PSEN2: variants seen among roughly 807,000 people sequenced by gnomAD.
The protein encoded by PSEN2 is presenilin 2.
In PSEN2, 32 loss-of-function variants were observed where a neutral mutation model predicts 49.1. The ratio of observed to expected loss-of-function variants is 0.65; its 90% CI spans 0.49 to 0.88. The LOEUF is 0.88. Among genes scored for constraint, PSEN2 ranks in the 40% least tolerant of loss-of-function variants. The probability of loss-of-function intolerance (pLI) is 0.00; values close to 1 mark genes in which losing one functional copy is unlikely to be tolerated. For synonymous variants in PSEN2, 255 were observed against 244.0 expected, an observed-to-expected ratio of 1.05 and a Z score of -0.42; for missense variants, 522 against 586.9, an observed-to-expected ratio of 0.89 and a Z score of 1.14.
chr1:226,879,012 GTTTTTTCTCTTCAATTTCTTTTATTTAT>G (rs1399269036), intron 3 of PSEN2, among the ~76,000 whole-genome samples: 2 of 152,116 alleles, frequency 1.3e-5, no homozygotes, highest in East Asian at 3.9e-4. Context: ...GGACCTTACA[GTTTTTTCTCTTCAATTTCTTTTATTTAT>G]TTATTTATTT....
In PSEN2 at chr1:226,872,035, C is replaced by T. The variant is rs531824360; in HGVS notation, c.-207+631C>T. Among the ~76,000 whole-genome samples the T allele has an allele frequency of 2.6e-5, 4 of 152,294 alleles. No homozygotes were observed. In the South Asian group the frequency reaches 8.3e-4, roughly 32 times the overall value. ...CTGTACCCTTTGGTGTTGAAGTGCC[C>T]ATGTGCCAAGTCTTGAGTCCAGCAT... On this transcript the variant is annotated intron_variant, in intron 2 of 12. Coordinates refer to ENST00000366783, the MANE Select transcript of PSEN2 (RefSeq NM_000447.3).
Position 226,892,118 on chromosome 1 carries a change from C to T in PSEN2, c.1072+274C>T, listed in dbSNP as rs142231816. On this transcript the variant is annotated intron_variant, in intron 11 of 12. Coordinates refer to ENST00000366783, the MANE Select transcript of PSEN2 (RefSeq NM_000447.3). ...GTGGGACCCACAGGCTAAGGAGACA[C>T]GGGCAGTAATCACATAGACTGAGAA... 3.8e-3 allele frequency among the ~76,000 whole-genome samples: 577 copies of T among 152,018 alleles called. 3 individuals are homozygous for T. Among genetic ancestry groups the T allele is most frequent in the African/African-American group, 0.013 (558 of 41,454 alleles).
At chr1:226,883,613 A>G in intron 4 of PSEN2, 92 bp from the exon 5 acceptor site, 4 of 1,234,236 alleles carry the variant, frequency 3.2e-6, no homozygotes, top group Non-Finnish European at 3.5e-6. Context: ...CAACATTCAA[A>G]CTTCTCATTT....
intron 12 of PSEN2, 63 bp from the exon 13 acceptor site, chr1:226,895,361 T>G: frequency 1.3e-6 from 2 of 1,592,438 alleles, no homozygotes; most frequent in East Asian, 4.5e-5. Flanking sequence ...GACTAGACCA[T>G]GACTCACAGC....
chr1:226,889,092 C>T (rs760793548), intron 8 of PSEN2, 43 bp downstream of exon 8: 2 of 1,558,126 alleles, frequency 1.3e-6, no homozygotes, highest in Non-Finnish European at 1.8e-6. Flanking sequence ...GGGGCGATGT[C>T]CAGGGCCAAA....
Position 226,890,037 on chromosome 1 carries a change from C to G in PSEN2, c.790C>G (p.Leu264Val). The G allele has an allele frequency of 1.2e-6, 2 of 1,612,686 alleles. No individual in the cohort carries two copies. The highest frequency in any genetic ancestry group is 1.7e-6 in the Non-Finnish European group (2 of 1,178,612). Residue 264 changes from leucine to valine, a missense_variant and splice_region_variant, in exon 9 of 13, where the codon CTC becomes GTC. Leu to Val is a conservative substitution (Grantham distance 32). Transcript: ENST00000366783. ...CAAGGATGTCTCTGTCTTCCTAGAT[C>G]TCGTGGCTGTGCTGTGTCCCAAAGG... Reference protein sequence around the residue: ...VILGAISVYDLVAVLCPKGPL... With the variant: ...VILGAISVYDVVAVLCPKGPL...
At chr1:226,888,300 C>T (rs948135832) in intron 7 of PSEN2, 142 bp downstream of exon 7, 8 of 736,788 alleles carry the variant, frequency 1.1e-5, no homozygotes, top group Non-Finnish European at 1.7e-5. Flanking sequence ...GAACCCAGGC[C>T]TCCGTCGCCC....
chr1:226,887,063 T>C (rs1661408643), intron 6 of PSEN2, among the ~76,000 whole-genome samples: 1 of 152,114 alleles, frequency 6.6e-6, no homozygotes, highest in South Asian at 2.1e-4. Flanking sequence ...GAGCAGAGGA[T>C]ACAGATTGCA....
Position 226,883,764 on chromosome 1 carries a change from G to C in PSEN2, c.201G>C (p.Gly67=), listed in dbSNP as rs1661152624. The change falls in exon 5 of 13, where the codon GGG becomes GGC. Residue 67 remains glycine (G), a synonymous_variant. Coordinates refer to ENST00000366783, the MANE Select transcript of PSEN2 (RefSeq NM_000447.3). The part of the protein sequence containing the change: ...EEDPDRYVCS[G]VPGRPPGLEE... ...ACCCTGACCGCTATGTCTGTAGTGG[G>C]GTTCCCGGGCGGCCGCCAGGCCTGG... 3.7e-6 allele frequency: 6 copies of C among 1,614,062 alleles called. No individual in the cohort carries two copies. Among genetic ancestry groups the C allele is most frequent in the Non-Finnish European group, 5.1e-6 (6 of 1,180,020 alleles).
At chr1:226,891,086 T>C (rs1014901874) in intron 9 of PSEN2, 192 bp from the exon 10 acceptor site, 36 of 615,842 alleles carry the variant, frequency 5.8e-5, no homozygotes, top group Admixed American at 1.8e-4. Flanking sequence ...AGTAACAGAA[T>C]AGACAAATGC....
chr1:226,900,718 T>C (rs905297881), downstream of PSEN2, among the ~76,000 whole-genome samples: 9 of 152,146 alleles, frequency 5.9e-5, no homozygotes, highest in African/African-American at 2.2e-4. Context: ...GCCAGGGAGA[T>C]ACTTGTCAGT....
At position 226,891,852 on chromosome 1, in the gene PSEN2, GC is replaced by G; in HGVS notation, c.1072+11del. ...TGGAGGAAGAGGAGGAAAGTAAGGT[GC>G]CCATGTTCACACGGCCTGCTTCAGC... On this transcript the variant is annotated intron_variant, in intron 11 of 12. Coordinates refer to ENST00000366783, the MANE Select transcript of PSEN2 (RefSeq NM_000447.3). The G allele has an allele frequency of 6.2e-7, 1 of 1,612,194 alleles. No homozygotes were observed. The highest frequency in any genetic ancestry group is 8.5e-7 in the Non-Finnish European group (1 of 1,178,226).
Position 226,895,438 on chromosome 1 carries a change from C to T in PSEN2, c.1206C>T (p.Thr402=). Residue 402 remains threonine, a synonymous_variant, in exon 13 of 13, where the codon ACC becomes ACT. Coordinates refer to ENST00000366783, the MANE Select transcript of PSEN2 (RefSeq NM_000447.3). ...FVAILIGLCL[T]LLLLAVFKKA... ...ATGTCCTGCAGGGCTTGTGTCTGACCCTCCTGCTGCTTGCTGTGTTCAAGA... is the reference window on the plus strand; with the variant it reads ...ATGTCCTGCAGGGCTTGTGTCTGACTCTCCTGCTGCTTGCTGTGTTCAAGA... 5.0e-6 allele frequency: 8 copies of T among 1,614,070 alleles called. No homozygotes were observed. The highest frequency in any genetic ancestry group is 6.8e-6 in the Non-Finnish European group (8 of 1,180,016).
intron 2 of PSEN2, among the ~76,000 whole-genome samples, chr1:226,872,175 G>A (rs980131304): frequency 1.3e-5 from 2 of 152,204 alleles, no homozygotes; most frequent in African/African-American, 4.8e-5. Context: ...GGTGCATAAT[G>A]TCACACCTGT....
chr1:226,881,743 T>G, intron 3 of PSEN2, 145 bp from the exon 4 acceptor site: 1 of 878,748 alleles, frequency 1.1e-6, no homozygotes. Flanking sequence ...TTTATGGCAG[T>G]CGTTTGATTG....
chr1:226,897,144 C>T (rs978388454), downstream of PSEN2, among the ~76,000 whole-genome samples: 1 of 151,980 alleles, frequency 6.6e-6, no homozygotes, highest in African/African-American at 2.4e-5. Flanking sequence ...CAGCGGGGAG[C>T]GGGTAAAGCA....
downstream of PSEN2, among the ~76,000 whole-genome samples, chr1:226,900,660 A>G (rs533556625): frequency 1.3e-5 from 2 of 152,268 alleles, no homozygotes; most frequent in African/African-American, 4.8e-5. Context: ...ATGGCCAGAA[A>G]GCTGTGGGGA....
chr1:226,883,937 G>T lies in PSEN2; in HGVS notation c.356+18G>T, dbSNP rs1661171573. Reference sequence around the variant, plus strand: ...GGACAGCTGTGAGTTGGGGGGCTGGGGGGAGCAGGGTGGGGTGAGGGCTGA... The same window carrying T: ...GGACAGCTGTGAGTTGGGGGGCTGGTGGGAGCAGGGTGGGGTGAGGGCTGA... On this transcript the variant is annotated intron_variant, in intron 5 of 12. Transcript: ENST00000366783. The T allele has an allele frequency of 1.3e-6, 2 of 1,595,830 alleles. No individual in the cohort carries two copies. The highest frequency in any genetic ancestry group is 1.7e-6 in the Non-Finnish European group (2 of 1,167,182).
At chr1:226,876,900 G>A (rs939160759) in intron 3 of PSEN2, among the ~76,000 whole-genome samples, 2 of 152,104 alleles carry the variant, frequency 1.3e-5, no homozygotes, top group Admixed American at 6.6e-5. Context: ...ACTCTCCTCC[G>A]CAGTGGGCAT....
Sources: allele counts gnomAD v4.1 joint callset (sites outside exome capture counted in the v4.1 genomes callset), GRCh38; gene constraint gnomAD v4.1.1; transcripts MANE v1.5; gene names NCBI Gene and HGNC (gene_info 2026-07-23, HGNC 2026-07-21).